SPSB1: variants seen among roughly 807,000 people sequenced by gnomAD.
SPSB1 encodes the protein SPRY domain-containing SOCS box protein 1.
In SPSB1, 8 loss-of-function variants were observed where a neutral mutation model predicts 21.2. That is an observed-to-expected ratio of 0.38 (90% CI 0.22 to 0.68). The LOEUF is 0.68. SPSB1 is among the 30% of genes least tolerant of loss of function. SPSB1 has a pLI of 0.53. For missense variants in SPSB1, 242 were observed against 377.8 expected (o/e 0.64, Z 2.98); for synonymous variants, 169 against 161.7 (o/e 1.05, Z -0.34).
chr1:9,367,529 C>G lies in SPSB1; in HGVS notation c.776C>G (p.Thr259Arg), dbSNP rs770144020. The G allele has an allele frequency of 6.2e-7, 1 of 1,612,834 alleles. No homozygotes were observed. The highest frequency in any genetic ancestry group is 8.5e-7 in the Non-Finnish European group (1 of 1,179,498). Reference sequence around the variant, plus strand: ...AGGGAGCGCCTGGGGGAGATCCACACGCTGCCGCTGCCGGCTTCCCTCAAG... The same window carrying G: ...AGGGAGCGCCTGGGGGAGATCCACAGGCTGCCGCTGCCGGCTTCCCTCAAG... The part of the protein sequence containing the change: ...LGRERLGEIH[T>R]LPLPASLKAY... Residue 259 changes from threonine (T) to arginine (R), a missense_variant, in exon 3 of 3, where the codon ACG becomes AGG. Thr to Arg is a moderately conservative substitution (Grantham distance 71). Transcript: ENST00000328089. The surrounding 1 kb of genome is among the most constrained non-coding windows in gnomAD (Gnocchi z 5.9).
intron 1 of SPSB1, among the ~76,000 whole-genome samples, chr1:9,315,263 G>A (rs1557449204): frequency 6.6e-6 from 1 of 152,182 alleles, no homozygotes; most frequent in Non-Finnish European, 1.5e-5. Context: ...ATTCCACTGC[G>A]ACAAAAGACC....
chr1:9,361,221 A>C (rs1393695092), intron 2 of SPSB1, among the ~76,000 whole-genome samples: 1 of 134,876 alleles, frequency 7.4e-6, no homozygotes, highest in Non-Finnish European at 1.5e-5. Flanking sequence ...GGCTGGTCTC[A>C]AACTCCTGGG....
intron 2 of SPSB1, among the ~76,000 whole-genome samples, chr1:9,360,922 G>C (rs950775697): frequency 2.0e-5 from 3 of 152,152 alleles, no homozygotes; most frequent in Admixed American, 6.5e-5. Context: ...TGCCACCTGT[G>C]GGGGGTGAAA....
rs1438070553 is a variant in SPSB1, at chr1:9,368,356, T to G, written c.*781T>G. 2 of 152,098 alleles carry G rather than the reference T, an allele frequency of 1.3e-5. No homozygotes were observed. The highest frequency in any genetic ancestry group is 4.8e-5 in the African/African-American group (2 of 41,398). The allele number at this position is 152,098 out of a possible 1,614,324, so 9.4% of individuals were successfully genotyped here. ...ATGTGCACACGTGCCCAGGCACAAG[T>G]ATGTCTCTGGGTCCCTTGCCCTGCA... On this transcript the variant is annotated 3_prime_UTR_variant, in exon 3 of 3. Transcript: ENST00000328089.
At chr1:9,308,720 T>A (rs983057275) in intron 1 of SPSB1, among the ~76,000 whole-genome samples, 1 of 152,162 alleles carries the variant, frequency 6.6e-6, no homozygotes, top group African/African-American at 2.4e-5. Flanking sequence ...GGTTTACAGA[T>A]GAGAAAGGAG....
At chr1:9,299,932 C>G (rs1440867883) in intron 1 of SPSB1, among the ~76,000 whole-genome samples, 2 of 148,426 alleles carry the variant, frequency 1.3e-5, no homozygotes, top group African/African-American at 5.0e-5. Flanking sequence ...TTACTTTACT[C>G]CAACCTGGGC....
At chr1:9,364,233 C>A (rs1176936734) in intron 2 of SPSB1, among the ~76,000 whole-genome samples, 1 of 152,244 alleles carries the variant, frequency 6.6e-6, no homozygotes, top group East Asian at 1.9e-4. Context: ...CCCCTTGGCC[C>A]TGATGCAGGC....
At chr1:9,304,213 C>A (rs1184781921) in intron 1 of SPSB1, among the ~76,000 whole-genome samples, 2 of 152,162 alleles carry the variant, frequency 1.3e-5, no homozygotes, top group Non-Finnish European at 2.9e-5. Flanking sequence ...TACCATTGGT[C>A]CCCGGGGTCT....
intron 1 of SPSB1, among the ~76,000 whole-genome samples, chr1:9,355,420 C>T (rs773551521): frequency 3.3e-5 from 5 of 152,230 alleles, no homozygotes; most frequent in South Asian, 2.1e-4. Flanking sequence ...CATGGCCTTC[C>T]GCCCTGTGGA....
At position 9,362,961 on chromosome 1, in the gene SPSB1, G is replaced by T. The variant is rs541821768; in HGVS notation, c.695-4487G>T. Among the ~76,000 whole-genome samples the T allele has an allele frequency of 2.0e-5, 3 of 152,338 alleles. No individual in the cohort carries two copies. The East Asian group carries it at 5.8e-4, about 29-fold the overall frequency. Reference sequence around the variant, plus strand: ...CCAGAGGCCCCAGGCCACAGTGCAGGTGCCCACCCCCTCGGTAGATTTCAG... The same window carrying T: ...CCAGAGGCCCCAGGCCACAGTGCAGTTGCCCACCCCCTCGGTAGATTTCAG... On this transcript the variant is annotated intron_variant, in intron 2 of 2. Transcript: ENST00000328089.
At position 9,293,206 on chromosome 1, in the gene SPSB1, C is replaced by G; in HGVS notation, c.-150+135C>G. 1 of 947,600 alleles carries G rather than the reference C, an allele frequency of 1.1e-6. No individual in the cohort carries two copies. Among genetic ancestry groups the G allele is most frequent in the Non-Finnish European group, 1.3e-6 (1 of 797,016 alleles). The allele number at this position is 947,600 out of a possible 1,614,324, so 58.7% of individuals were successfully genotyped here. A position where few individuals can be genotyped will look rare whatever the true frequency, so the allele number is the denominator to read the frequency against. ...CGAGTGGGTGGCGCGGGGCCGGGCG[C>G]GGGGGAGCGGGTGGAGTACGGGATG... is the stretch of plus-strand genomic sequence containing the variant. On this transcript the variant is annotated intron_variant, in intron 1 of 2. Coordinates refer to ENST00000328089, the MANE Select transcript of SPSB1 (RefSeq NM_025106.4). The surrounding 1 kb of genome is among the most constrained non-coding windows in gnomAD (Gnocchi z 5.1).
chr1:9,342,278 T>C (rs966737141), intron 1 of SPSB1, among the ~76,000 whole-genome samples: 1 of 152,106 alleles, frequency 6.6e-6, no homozygotes, highest in African/African-American at 2.4e-5. Flanking sequence ...TGAGTGACGA[T>C]CCCTCCGTGA....
chr1:9,344,595 C>A (rs193297138), intron 1 of SPSB1, among the ~76,000 whole-genome samples: 32 of 152,292 alleles, frequency 2.1e-4, no homozygotes, highest in Admixed American at 2.0e-3. Flanking sequence ...GGGCAGGGAG[C>A]AGCATGTATG....
At chr1:9,350,256 C>T (rs1640235328) in intron 1 of SPSB1, among the ~76,000 whole-genome samples, 2 of 152,232 alleles carry the variant, frequency 1.3e-5, no homozygotes, top group South Asian at 4.1e-4. Flanking sequence ...ACAGCTGAGC[C>T]TTGCAGCCTG....
rs1219765049 is a variant in SPSB1, at chr1:9,321,959, C to T, written c.-150+28888C>T. On this transcript the variant is annotated intron_variant, in intron 1 of 2. Coordinates refer to ENST00000328089, the MANE Select transcript of SPSB1 (RefSeq NM_025106.4). The surrounding 1 kb of genome is among the most constrained non-coding windows in gnomAD (Gnocchi z 4.8). ...CTCTGGGCTCTCCAGTCACCTCTAA[C>T]CCTGTGGGGGACAACCACAATGTCT... 5.9e-5 allele frequency among the ~76,000 whole-genome samples: 9 copies of T among 152,170 alleles called. No homozygotes were observed. In the East Asian group the frequency reaches 1.7e-3, roughly 29 times the overall value.
intron 1 of SPSB1, among the ~76,000 whole-genome samples, chr1:9,354,810 A>G (rs1340025261): frequency 1.3e-5 from 2 of 152,072 alleles, no homozygotes; most frequent in African/African-American, 4.8e-5. Context: ...CAAAAAAAAA[A>G]AGAATTCTTC....
rs964590684 is a variant in SPSB1 at position 9,356,738 on chromosome 1, G to A, written c.694+153G>A. Among the ~76,000 whole-genome samples, 4 of 152,208 alleles carry A rather than the reference G, an allele frequency of 2.6e-5. No homozygotes were observed. Among genetic ancestry groups the A allele is most frequent in the African/African-American group, 9.7e-5 (4 of 41,448 alleles). On this transcript the variant is annotated intron_variant, in intron 2 of 2. Transcript: ENST00000328089. This position sits in a 1 kb window ranked among gnomAD's most constrained non-coding sequence, Gnocchi z 7.4. ...CCCTCAGAGGCAACTTTTGCATCGG[G>A]TTAAGTGAGGAATTCTACCCAGAGT...
intron 1 of SPSB1, among the ~76,000 whole-genome samples, chr1:9,307,054 G>A (rs567912325): frequency 3.9e-4 from 59 of 151,722 alleles, no homozygotes; most frequent in South Asian, 2.5e-3. Flanking sequence ...TAGCCTCCTG[G>A]GTAGCTGGGA....
In SPSB1 at chr1:9,317,133, A is replaced by C. The variant is rs1639629131; in HGVS notation, c.-150+24062A>C. On this transcript the variant is annotated intron_variant, in intron 1 of 2. Coordinates refer to ENST00000328089, the MANE Select transcript of SPSB1 (RefSeq NM_025106.4). This position sits in a 1 kb window ranked among gnomAD's most constrained non-coding sequence, Gnocchi z 4.3. ...AATATATTATACTAGGCAGAGGGTG[A>C]GAAAGGTGCTTAGAGGCCAGCAAGG... is the stretch of plus-strand genomic sequence containing the variant. 6.6e-6 allele frequency among the ~76,000 whole-genome samples: 1 copy of C among 152,194 alleles called. No homozygotes were observed. Among genetic ancestry groups the C allele is most frequent in the Non-Finnish European group, 1.5e-5 (1 of 68,030 alleles).
Sources: gnomAD v4.1 joint callset for allele counts (sites outside exome capture counted in the v4.1 genomes callset) on GRCh38, gnomAD v4.1.1 for gene constraint, Gnocchi (gnomAD v3.1) non-coding constraint, MANE v1.5 for transcripts, NCBI Gene and HGNC (gene_info 2026-07-23, HGNC 2026-07-21) for gene names.